BBS9: variants seen among roughly 807,000 people sequenced by gnomAD.
BBS9 encodes the protein protein PTHB1.
BBS9 carries 89 observed loss-of-function variants against 117.7 expected under a neutral mutation model. That is an observed-to-expected ratio of 0.76 (90% CI 0.64 to 0.90). The LOEUF is 0.90. Ranked by LOEUF, BBS9 falls within the 40% of genes least tolerant of loss-of-function variation. The pLI, the probability that BBS9 is intolerant of heterozygous loss-of-function variation, is 0.00. For missense variants in BBS9, 982 were observed against 1,042.2 expected (o/e 0.94, Z 0.80); for synonymous variants, 379 against 370.9 (o/e 1.02, Z -0.25).
At chr7:33,279,812 T>A (rs1801476070) in intron 9 of BBS9, among the ~76,000 whole-genome samples, 1 of 152,208 alleles carries the variant, frequency 6.6e-6, no homozygotes, top group African/African-American at 2.4e-5. Flanking sequence ...ATACACAGGT[T>A]ACAGAATCAG....
intron 4 of BBS9, among the ~76,000 whole-genome samples, 171 bp from the exon 5 acceptor site, chr7:33,177,307 G>A (rs1287371399): frequency 6.6e-6 from 1 of 152,138 alleles, no homozygotes; most frequent in East Asian, 1.9e-4. Context: ...TGTTTTAACT[G>A]TACTGGCTTT....
chr7:33,542,740 T>TATATATACTCACATATACATAC (rs1852557040), intron 21 of BBS9, among the ~76,000 whole-genome samples: 1 of 149,140 alleles, frequency 6.7e-6, no homozygotes, highest in Non-Finnish European at 1.5e-5. Context: ...TGTATATGTG[T>TATATATACTCACATATACATAC]GTGTATATAT....
chr7:33,604,834 G>T (rs1237995623), intron 21 of BBS9, 31 bp from the exon 22 acceptor site: 1 of 1,499,382 alleles, frequency 6.7e-7, no homozygotes, highest in African/African-American at 1.4e-5. Flanking sequence ...CTTACACATT[G>T]CTTAAAATAT....
At chr7:33,464,005 TAC>T (rs1450170349) in intron 19 of BBS9, among the ~76,000 whole-genome samples, 1 of 152,126 alleles carries the variant, frequency 6.6e-6, no homozygotes, top group African/African-American at 2.4e-5. Flanking sequence ...AATTTTAAAA[TAC>T]AGTGTATTTT....
intron 5 of BBS9, among the ~76,000 whole-genome samples, chr7:33,187,695 G>A (rs552589449): frequency 1.4e-4 from 21 of 152,238 alleles, no homozygotes; most frequent in African/African-American, 4.3e-4. Flanking sequence ...TGAGGTGGGC[G>A]GAGACTTGAG....
chr7:33,425,735 A>T (rs1191299038), intron 19 of BBS9, among the ~76,000 whole-genome samples: 1 of 152,226 alleles, frequency 6.6e-6, no homozygotes, highest in Admixed American at 6.5e-5. Flanking sequence ...TTTGGGACCT[A>T]GTTAAGCAGA....
chr7:33,227,999 G>A (rs1237292340), intron 5 of BBS9, among the ~76,000 whole-genome samples: 1 of 152,028 alleles, frequency 6.6e-6, no homozygotes, highest in African/African-American at 2.4e-5. Flanking sequence ...ATCCAGTAGT[G>A]GCATTACTGG....
At chr7:33,351,878 A>AGCCAT (rs1273691255) in intron 14 of BBS9, 18 of 166,510 alleles carry the variant, frequency 1.1e-4, no homozygotes, top group South Asian at 3.0e-4. Context: ...ATGTCCAGGC[A>AGCCAT]AGCCATAGGT....
chr7:33,433,040 A>G lies in BBS9; in HGVS notation c.2115+44896A>G, dbSNP rs12333380. 9.2e-3 allele frequency among the ~76,000 whole-genome samples: 1,401 copies of G among 151,612 alleles called. 24 individuals are homozygous for G. Among genetic ancestry groups the G allele is most frequent in the South Asian group, 0.046 (220 of 4,746 alleles). ...CATCAATCACCTAGCCACTTTACCT[A>G]AAGGCTGAAAACTGTGAATCATTTC... is the stretch of plus-strand genomic sequence containing the variant. On this transcript the variant is annotated intron_variant, in intron 19 of 22. Transcript: ENST00000242067.
At chr7:33,483,530 C>T (rs1842745797) in intron 19 of BBS9, among the ~76,000 whole-genome samples, 2 of 151,910 alleles carry the variant, frequency 1.3e-5, no homozygotes, top group South Asian at 4.2e-4. Flanking sequence ...TTTTTTAATC[C>T]CATCAAGGTC....
chr7:33,466,788 A>G (rs1840224535), intron 19 of BBS9, among the ~76,000 whole-genome samples: 1 of 152,174 alleles, frequency 6.6e-6, no homozygotes, highest in Non-Finnish European at 1.5e-5. Flanking sequence ...TTGATAAGTC[A>G]GAGGCGGATA....
intron 19 of BBS9, among the ~76,000 whole-genome samples, chr7:33,443,570 A>G (rs138508037): frequency 9.6e-4 from 147 of 152,344 alleles, no homozygotes; most frequent in Middle Eastern, 3.4e-3. Context: ...AATAATTGCT[A>G]CAAAGAGACT....
chr7:33,535,410 C>G (rs191172796), intron 21 of BBS9, among the ~76,000 whole-genome samples: 44 of 152,224 alleles, frequency 2.9e-4, no homozygotes, highest in Non-Finnish European at 4.4e-5. Context: ...GGAAAAATAG[C>G]TGGTTTGGGG....
intron 5 of BBS9, among the ~76,000 whole-genome samples, chr7:33,245,075 T>A (rs1378906688): frequency 6.6e-5 from 10 of 152,164 alleles, no homozygotes; most frequent in Non-Finnish European, 4.4e-5. Context: ...AATCTGAGTA[T>A]GCTTTTGAAG....
intron 4 of BBS9, among the ~76,000 whole-genome samples, chr7:33,170,919 G>C (rs1237601293): frequency 6.6e-6 from 1 of 151,252 alleles, no homozygotes. Context: ...CCTCTTCAAG[G>C]AGAACTACAA....
intron 5 of BBS9, among the ~76,000 whole-genome samples, chr7:33,191,049 G>C (rs1784037809): frequency 6.6e-6 from 1 of 152,222 alleles, no homozygotes; most frequent in Non-Finnish European, 1.5e-5. Context: ...TCCAGAGAGA[G>C]TGAGGTGGCC....
chr7:33,263,922 T>C (rs553827319), intron 6 of BBS9, among the ~76,000 whole-genome samples: 23 of 152,140 alleles, frequency 1.5e-4, no homozygotes, highest in Admixed American at 3.3e-4. Context: ...TGATAATTTC[T>C]ACTCCATCTG....
intron 6 of BBS9, 69 bp from the exon 7 acceptor site, chr7:33,264,220 TA>T: frequency 1.2e-6 from 1 of 812,566 alleles, no homozygotes; most frequent in Non-Finnish European, 1.8e-6. Flanking sequence ...TGTGTACTTT[TA>T]AAGTTTAAAA....
At chr7:33,277,801 T>C (rs1562926710) in intron 9 of BBS9, among the ~76,000 whole-genome samples, 1 of 152,182 alleles carries the variant, frequency 6.6e-6, no homozygotes, top group Non-Finnish European at 1.5e-5. Flanking sequence ...GCAAAAAACC[T>C]GTAAAGATCT....
Sources: allele counts gnomAD v4.1 joint callset (sites outside exome capture counted in the v4.1 genomes callset), GRCh38; gene constraint gnomAD v4.1.1; transcripts MANE v1.5; gene names NCBI Gene and HGNC (gene_info 2026-07-23, HGNC 2026-07-21).